KCNK3: variants seen among roughly 807,000 people sequenced by gnomAD.
The protein encoded by KCNK3 is potassium two pore domain channel subfamily K member 3.
KCNK3 carries 9 observed loss-of-function variants against 27.3 expected under a neutral mutation model. That is an observed-to-expected ratio of 0.33 (90% CI 0.20 to 0.57). The LOEUF (loss-of-function observed/expected upper bound fraction) is 0.57, where lower values mean the gene tolerates loss of function less well. Among genes scored for constraint, KCNK3 ranks in the 20% least tolerant of loss-of-function variants. The pLI is 0.87. For synonymous variants in KCNK3, 278 were observed against 273.8 expected, an observed-to-expected ratio of 1.02 and a Z score of -0.15; for missense variants, 391 against 577.7, an observed-to-expected ratio of 0.68 and a Z score of 3.31.
chr2:26,728,027 A>G lies in KCNK3; in HGVS notation c.644A>G (p.Gln215Arg). The G allele has an allele frequency of 6.2e-7, 1 of 1,614,234 alleles. No homozygotes were observed. Among genetic ancestry groups the G allele is most frequent in the Non-Finnish European group, 8.5e-7 (1 of 1,180,028 alleles). The change falls in exon 2 of 2, where the codon CAG becomes CGG. Residue 215 changes from glutamine (Q) to arginine (R), a missense_variant. Coordinates refer to ENST00000302909, the MANE Select transcript of KCNK3 (RefSeq NM_002246.3). The part of the protein sequence containing the change: ...YVALQKDQAL[Q>R]TQPQYVAFSF... Reference sequence around the variant, plus strand: ...GCGCTGCAGAAGGACCAGGCCCTGCAGACGCAGCCGCAGTACGTGGCCTTC... The same window carrying G: ...GCGCTGCAGAAGGACCAGGCCCTGCGGACGCAGCCGCAGTACGTGGCCTTC...
At position 26,693,193 on chromosome 2, in the gene KCNK3, G is replaced by T. The variant is rs1413902793; in HGVS notation, c.283+35G>T. On this transcript the variant is annotated intron_variant, in intron 1 of 1. Transcript: ENST00000302909. The surrounding 1 kb of genome is among the most constrained non-coding windows in gnomAD (Gnocchi z 5.5). ...CGCCGGGCGGGGGGCGGGAACCCAG[G>T]GCTGGGCGCGGGGCTCCGGGAGTCG... 1.4e-6 allele frequency: 2 copies of T among 1,474,106 alleles called. No individual in the cohort carries two copies. Among genetic ancestry groups the T allele is most frequent in the African/African-American group, 1.5e-5 (1 of 68,710 alleles). 91.3% of individuals were successfully genotyped at this position (1,474,106 alleles called of 1,614,324 possible).
At chr2:26,697,385 G>C (rs1182631101) in intron 1 of KCNK3, among the ~76,000 whole-genome samples, 1 of 152,148 alleles carries the variant, frequency 6.6e-6, no homozygotes, top group Non-Finnish European at 1.5e-5. Flanking sequence ...CATGCCTGTA[G>C]TCCCAGCTAC....
chr2:26,713,860 G>A (rs1025305976), intron 1 of KCNK3, among the ~76,000 whole-genome samples: 6 of 151,558 alleles, frequency 4.0e-5, no homozygotes, highest in Admixed American at 1.3e-4. Context: ...TGGATCACAT[G>A]AGGTCAGGAG....
chr2:26,702,797 G>C (rs911679982), intron 1 of KCNK3, among the ~76,000 whole-genome samples: 1 of 152,224 alleles, frequency 6.6e-6, no homozygotes, highest in South Asian at 2.1e-4. Flanking sequence ...TGGCAAATTT[G>C]AGATCCATAC....
rs1391036812 is a variant in KCNK3 at position 26,693,221 on chromosome 2, C to T, written c.283+63C>T. 39 of 306,934 alleles carry T rather than the reference C, an allele frequency of 1.3e-4. No individual in the cohort carries two copies. Among genetic ancestry groups the T allele is most frequent in the Non-Finnish European group, 2.1e-4 (39 of 182,562 alleles). 19.0% of individuals were successfully genotyped at this position (306,934 alleles called of 1,614,324 possible). A position where few individuals can be genotyped will look rare whatever the true frequency, so the allele number is the denominator to read the frequency against. Reference sequence around the variant, plus strand: ...TGGGCGCGGGGCTCCGGGAGTCGTCCGGGGCCGGCTGGGGCTGGGGGCGGG... The same window carrying T: ...TGGGCGCGGGGCTCCGGGAGTCGTCTGGGGCCGGCTGGGGCTGGGGGCGGG... On this transcript the variant is annotated intron_variant, in intron 1 of 1. Transcript: ENST00000302909. The surrounding 1 kb of genome is among the most constrained non-coding windows in gnomAD (Gnocchi z 5.5).
chr2:26,700,880 C>T (rs1670299808), intron 1 of KCNK3, among the ~76,000 whole-genome samples: 1 of 152,210 alleles, frequency 6.6e-6, no homozygotes, highest in Admixed American at 6.5e-5. Context: ...CCTCAGTCCT[C>T]CCATCTGTAT....
chr2:26,701,523 G>A (rs189485816), intron 1 of KCNK3, among the ~76,000 whole-genome samples: 1 of 152,336 alleles, frequency 6.6e-6, no homozygotes, highest in East Asian at 1.9e-4. Flanking sequence ...TGGAAAACCG[G>A]TACCCCAGAG....
chr2:26,726,106 CAGAGAGAGAG>C (rs1168877805), intron 1 of KCNK3, among the ~76,000 whole-genome samples: 4 of 81,816 alleles, frequency 4.9e-5, no homozygotes, highest in African/African-American at 2.6e-4. Context: ...CACACACACA[CAGAGAGAGAG>C]AGAGAGAGAG....
intron 1 of KCNK3, among the ~76,000 whole-genome samples, chr2:26,704,332 C>T (rs950892317): frequency 3.3e-5 from 5 of 152,150 alleles, no homozygotes; most frequent in Non-Finnish European, 5.9e-5. Context: ...CATGGACAAC[C>T]CCAGGCCCCT....
Position 26,721,137 on chromosome 2 carries a change from C to T in KCNK3, c.284-6530C>T, listed in dbSNP as rs1663320998. ...CCTCAGAGTCCTTCAGAACTGGAGC[C>T]TCTGGGTTCTGCAGCCCTCCCACCC... is the stretch of plus-strand genomic sequence containing the variant. On this transcript the variant is annotated intron_variant, in intron 1 of 1. Transcript: ENST00000302909. The surrounding 1 kb of genome is among the most constrained non-coding windows in gnomAD (Gnocchi z 4.3). Among the ~76,000 whole-genome samples, 1 of 152,140 alleles carries T rather than the reference C, an allele frequency of 6.6e-6. No individual in the cohort carries two copies. The highest frequency in any genetic ancestry group is 2.1e-4 in the South Asian group (1 of 4,834).
In KCNK3 at chr2:26,725,591, G is replaced by A. The variant is rs934257940; in HGVS notation, c.284-2076G>A. ...TCAGGGCCTGCCCAGTTGTCGAGGT[G>A]AGTTGTGGTCTGGCTGCCATGGCCC... On this transcript the variant is annotated intron_variant, in intron 1 of 1. Transcript: ENST00000302909. Among the ~76,000 whole-genome samples, 7 of 152,174 alleles carry A rather than the reference G, an allele frequency of 4.6e-5. 1 individual carries two copies. Among genetic ancestry groups the A allele is most frequent in the African/African-American group, 1.4e-4 (6 of 41,438 alleles).
chr2:26,713,559 C>CCGAGGCGGGCT (rs1299592775), intron 1 of KCNK3, among the ~76,000 whole-genome samples: 18 of 152,122 alleles, frequency 1.2e-4, no homozygotes, highest in Admixed American at 2.0e-4. Flanking sequence ...GCGGGCGGAT[C>CCGAGGCGGGCT]CCCTGAGGTC....
intron 1 of KCNK3, among the ~76,000 whole-genome samples, chr2:26,707,903 C>A (rs941978268): frequency 6.6e-6 from 1 of 152,074 alleles, no homozygotes; most frequent in Non-Finnish European, 1.5e-5. Flanking sequence ...GAACTCAGGT[C>A]CCCGACTCTT....
intron 1 of KCNK3, among the ~76,000 whole-genome samples, chr2:26,708,611 G>GGAGGTTGCAGCGAGCC (rs1444376098): frequency 6.6e-6 from 1 of 152,172 alleles, no homozygotes; most frequent in Non-Finnish European, 1.5e-5. Flanking sequence ...CCTGGGAGGC[G>GGAGGTTGCAGCGAGCC]GAGGTTGCAG....
intron 1 of KCNK3, among the ~76,000 whole-genome samples, chr2:26,704,570 G>C (rs1286552751): frequency 2.0e-5 from 3 of 152,140 alleles, no homozygotes; most frequent in Non-Finnish European, 2.9e-5. Context: ...GGACCATCCG[G>C]GGCTTTCTCC....
intron 1 of KCNK3, among the ~76,000 whole-genome samples, chr2:26,712,877 G>A (rs1343403869): frequency 6.6e-6 from 1 of 152,028 alleles, no homozygotes; most frequent in Admixed American, 6.6e-5. Context: ...CCTGGGGAGG[G>A]TGCTGAGCCT....
In KCNK3 at chr2:26,728,476, G is replaced by T; in HGVS notation, c.1093G>T (p.Gly365Trp). ...GCCCTCGCGACGCTGCCTGTGCAGC[G>T]GGGCGCCACGCTCCGCCATCAGCTC... ...DTPSRRCLCS[G>W]APRSAISSVS... is the part of the protein sequence containing the mutation. Residue 365 changes from glycine (G) to tryptophan (W), a missense_variant, in exon 2 of 2, where the codon GGG (glycine) becomes TGG (tryptophan). Coordinates refer to ENST00000302909, the MANE Select transcript of KCNK3 (RefSeq NM_002246.3). 3 of 1,550,660 alleles carry T rather than the reference G, an allele frequency of 1.9e-6. No individual in the cohort carries two copies. The highest frequency in any genetic ancestry group is 2.4e-5 in the East Asian group (1 of 42,132).
intron 1 of KCNK3, among the ~76,000 whole-genome samples, chr2:26,705,159 C>A (rs1670357230): frequency 6.6e-6 from 1 of 152,124 alleles, no homozygotes; most frequent in Non-Finnish European, 1.5e-5. Flanking sequence ...GAGACAGGGT[C>A]TTTCTATGTT....
chr2:26,709,552 G>A (rs372141861), intron 1 of KCNK3, among the ~76,000 whole-genome samples: 20 of 152,144 alleles, frequency 1.3e-4, no homozygotes, highest in African/African-American at 3.9e-4. Context: ...GGCGGTCACC[G>A]GAGACATTGG....
Sources: gnomAD v4.1 joint callset for allele counts (sites outside exome capture counted in the v4.1 genomes callset) on GRCh38, gnomAD v4.1.1 for gene constraint, Gnocchi (gnomAD v3.1) non-coding constraint, MANE v1.5 for transcripts, NCBI Gene and HGNC (gene_info 2026-07-23, HGNC 2026-07-21) for gene names.